KCTD16: variants seen among roughly 807,000 people sequenced by gnomAD.
KCTD16 encodes the protein BTB/POZ domain-containing protein KCTD16.
Under a neutral mutation model 33.2 loss-of-function variants are expected in KCTD16, and 13 were observed. That is an observed-to-expected ratio of 0.39 (90% confidence interval 0.25 to 0.62). The LOEUF is 0.62. Ranked by LOEUF, KCTD16 falls within the 20% of genes least tolerant of loss-of-function variation. The pLI, the probability that KCTD16 is intolerant of heterozygous loss-of-function variation, is 0.50. For missense variants in KCTD16, 441 were observed against 525.1 expected (o/e 0.84, Z 1.57); for synonymous variants, 197 against 195.3 (o/e 1.01, Z -0.07).
chr5:144,419,255 T>G (rs908379493), intron 3 of KCTD16, among the ~76,000 whole-genome samples: 1 of 152,208 alleles, frequency 6.6e-6, no homozygotes, highest in Non-Finnish European at 1.5e-5. Flanking sequence ...GCCTTTTCAG[T>G]CCTGAAAGGT....
chr5:144,387,144 T>TTA (rs1480725491), intron 3 of KCTD16, among the ~76,000 whole-genome samples: 1 of 146,850 alleles, frequency 6.8e-6, no homozygotes, highest in Non-Finnish European at 1.5e-5. Context: ...TTTAATTTTT[T>TTA]TTTTTTTTTT....
chr5:144,289,852 A>G lies in KCTD16; in HGVS notation c.832+82306A>G, dbSNP rs539548970. ...GCAAAATATTATAAATTAAACTCTTATTTCTGGAAATGCATCTTATACCAT... is the reference window on the plus strand; with the variant it reads ...GCAAAATATTATAAATTAAACTCTTGTTTCTGGAAATGCATCTTATACCAT... On this transcript the variant is annotated intron_variant, in intron 3 of 3. Coordinates refer to ENST00000512467, the MANE Select transcript of KCTD16 (RefSeq NM_020768.4). Among the ~76,000 whole-genome samples the G allele has an allele frequency of 3.3e-5, 5 of 152,280 alleles. No individual in the cohort carries two copies. In the South Asian group the frequency reaches 8.3e-4, roughly 25 times the overall value.
At chr5:144,413,903 G>T (rs574376719) in intron 3 of KCTD16, among the ~76,000 whole-genome samples, 1 of 152,276 alleles carries the variant, frequency 6.6e-6, no homozygotes, top group African/African-American at 2.4e-5. Context: ...CTGTCACTAG[G>T]TCTGTGAAAC....
chr5:144,406,874 A>C (rs1309972047), intron 3 of KCTD16, among the ~76,000 whole-genome samples: 1 of 152,212 alleles, frequency 6.6e-6, no homozygotes, highest in East Asian at 1.9e-4. Context: ...ACTGTAAGGC[A>C]GAGAAACTCA....
At chr5:144,181,494 A>G in intron 2 of KCTD16, among the ~76,000 whole-genome samples, 1 of 148,022 alleles carries the variant, frequency 6.8e-6, no homozygotes, top group African/African-American at 2.4e-5. Flanking sequence ...AGCATTTTTC[A>G]AAATAGCTAA....
intron 3 of KCTD16, among the ~76,000 whole-genome samples, chr5:144,423,918 C>A (rs755568762): frequency 6.6e-6 from 1 of 152,142 alleles, no homozygotes; most frequent in East Asian, 1.9e-4. Flanking sequence ...TACATGAACA[C>A]TAATGACAGC....
At chr5:144,396,428 AG>A (rs1296519266) in intron 3 of KCTD16, among the ~76,000 whole-genome samples, 3 of 152,202 alleles carry the variant, frequency 2.0e-5, no homozygotes, top group Non-Finnish European at 4.4e-5. Flanking sequence ...GTCAAAGCTC[AG>A]GATTTACATT....
In KCTD16 at chr5:144,272,663, G is replaced by A. The variant is rs547730588; in HGVS notation, c.832+65117G>A. Among the ~76,000 whole-genome samples the A allele has an allele frequency of 1.2e-4, 19 of 152,190 alleles. No homozygotes were observed. The East Asian group carries it at 3.3e-3, about 26-fold the overall frequency. On this transcript the variant is annotated intron_variant, in intron 3 of 3. Transcript: ENST00000512467. ...TCAGAATGAAAATCTTCAGATATCAGAAATAAACCCTTACATATATGGTCA... is the reference window on the plus strand; with the variant it reads ...TCAGAATGAAAATCTTCAGATATCAAAAATAAACCCTTACATATATGGTCA...
chr5:144,225,353 A>G lies in KCTD16; in HGVS notation c.832+17807A>G, dbSNP rs571358146. 1.1e-3 allele frequency among the ~76,000 whole-genome samples: 164 copies of G among 152,318 alleles called. 1 individual carries two copies. The highest frequency in any genetic ancestry group is 3.4e-3 in the African/African-American group (143 of 41,560). On this transcript the variant is annotated intron_variant, in intron 3 of 3. Coordinates refer to ENST00000512467, the MANE Select transcript of KCTD16 (RefSeq NM_020768.4). ...ACAATCTGTCCTCAGTTACCCACAC[A>G]GAACTTCTGGGATACAATCTCTTCT...
chr5:144,247,195 G>C (rs1754573912), intron 3 of KCTD16, among the ~76,000 whole-genome samples: 1 of 152,144 alleles, frequency 6.6e-6, no homozygotes, highest in Admixed American at 6.5e-5. Context: ...TGTGACTTGT[G>C]ACTGCTTTGA....
chr5:144,389,682 A>C (rs1334042983), intron 3 of KCTD16, among the ~76,000 whole-genome samples: 1 of 147,640 alleles, frequency 6.8e-6, no homozygotes, highest in Non-Finnish European at 1.5e-5. Flanking sequence ...TGTGGAAAAA[A>C]TTGTCTTCCA....
intron 3 of KCTD16, among the ~76,000 whole-genome samples, chr5:144,380,234 T>C (rs574318137): frequency 6.7e-4 from 102 of 152,094 alleles, no homozygotes; most frequent in African/African-American, 2.4e-3. Flanking sequence ...TACAATCCCA[T>C]TCACAACAGC....
At chr5:144,390,981 G>A (rs911738248) in intron 3 of KCTD16, among the ~76,000 whole-genome samples, 2 of 152,094 alleles carry the variant, frequency 1.3e-5, no homozygotes, top group Non-Finnish European at 2.9e-5. Context: ...GTTCCAAGGT[G>A]GTTGGTGCCT....
chr5:144,214,635 C>T (rs1248779977), intron 3 of KCTD16, among the ~76,000 whole-genome samples: 3 of 152,098 alleles, frequency 2.0e-5, no homozygotes, highest in East Asian at 3.9e-4. Context: ...GTGATGTTCC[C>T]TCTGCCTGGA....
intron 3 of KCTD16, among the ~76,000 whole-genome samples, chr5:144,260,280 T>A (rs1754970572): frequency 6.6e-6 from 1 of 152,198 alleles, no homozygotes; most frequent in African/African-American, 2.4e-5. Flanking sequence ...TGAGCTGTCG[T>A]GTGCTCATTG....
intron 3 of KCTD16, among the ~76,000 whole-genome samples, chr5:144,263,091 G>A (rs912665901): frequency 2.6e-5 from 4 of 152,224 alleles, no homozygotes; most frequent in Non-Finnish European, 2.9e-5. Context: ...ATAAAGTTGG[G>A]CTGGCCCTGG....
At chr5:144,417,413 A>G (rs1753084450) in intron 3 of KCTD16, among the ~76,000 whole-genome samples, 1 of 152,018 alleles carries the variant, frequency 6.6e-6, no homozygotes. Context: ...CCATTTGCAT[A>G]TTTTCTTTGG....
intron 3 of KCTD16, among the ~76,000 whole-genome samples, chr5:144,340,150 C>T (rs1386601418): frequency 6.6e-6 from 1 of 152,014 alleles, no homozygotes. Flanking sequence ...CGTGGTGGCT[C>T]ACGCCTGTAA....
intron 3 of KCTD16, among the ~76,000 whole-genome samples, chr5:144,467,899 A>G (rs1674658369): frequency 6.6e-6 from 1 of 152,096 alleles, no homozygotes; most frequent in South Asian, 2.1e-4. Flanking sequence ...GGTTAACCAC[A>G]CAGGCTAACT....
Sources: gnomAD v4.1 joint callset for allele counts (sites outside exome capture counted in the v4.1 genomes callset) on GRCh38, gnomAD v4.1.1 for gene constraint, MANE v1.5 for transcripts, NCBI Gene and HGNC (gene_info 2026-07-23, HGNC 2026-07-21) for gene names.